MEAK7: variants seen among roughly 807,000 people sequenced by gnomAD.
MEAK7 encodes MTOR-associated protein MEAK7.
Under a neutral mutation model 40.5 loss-of-function variants are expected in MEAK7, and 68 were observed. The ratio of observed to expected loss-of-function variants is 1.68; its 90% CI spans 1.38 to 2.06. The LOEUF is 2.06. MEAK7 is among the 30% of genes most tolerant of loss of function. The pLI is 0.00. For missense variants in MEAK7, 918 were observed against 580.5 expected, an observed-to-expected ratio of 1.58 and a Z score of -5.98; for synonymous variants, 338 against 231.9, an observed-to-expected ratio of 1.46 and a Z score of -4.16.
At chr16:84,497,320 C>A in intron 2 of MEAK7, 1 of 971,348 alleles carries the variant, frequency 1.0e-6, no homozygotes, top group Non-Finnish European at 1.4e-6. Flanking sequence ...AAAACATGGG[C>A]AAATGGGCAG....
intron 1 of MEAK7, among the ~76,000 whole-genome samples, chr16:84,499,628 G>A (rs761957044): frequency 1.4e-4 from 22 of 152,238 alleles, no homozygotes; most frequent in Non-Finnish European, 2.4e-4. Context: ...CATCACCCTC[G>A]GAGAAAACCC....
chr16:84,481,308 C>G (rs1912521406), intron 6 of MEAK7, among the ~76,000 whole-genome samples: 1 of 152,212 alleles, frequency 6.6e-6, no homozygotes, highest in Non-Finnish European at 1.5e-5. Context: ...CCCTGGTAGG[C>G]CTGTAACACC....
At chr16:84,484,901 A>G (rs1475828405) in intron 5 of MEAK7, among the ~76,000 whole-genome samples, 1 of 152,206 alleles carries the variant, frequency 6.6e-6, no homozygotes, top group Non-Finnish European at 1.5e-5. Flanking sequence ...TTTTTCCCAC[A>G]TGCTTCAGCA....
chr16:84,503,808 C>T, intron 1 of MEAK7: 2 of 462,472 alleles, frequency 4.3e-6, no homozygotes, highest in Non-Finnish European at 5.7e-6. Context: ...CCAAGGTTCC[C>T]ACTAGTATCC....
intron 5 of MEAK7, among the ~76,000 whole-genome samples, chr16:84,483,511 G>T (rs1333719837): frequency 6.6e-6 from 1 of 152,228 alleles, no homozygotes; most frequent in African/African-American, 2.4e-5. Flanking sequence ...TGGGAATTTG[G>T]GGTTGGGCTA....
At chr16:84,489,236 C>T in intron 4 of MEAK7, 42 bp downstream of exon 4, 2 of 1,604,650 alleles carry the variant, frequency 1.2e-6, no homozygotes, top group Non-Finnish European at 1.7e-6. Flanking sequence ...AGGTACCGCT[C>T]TACAGCAAAA....
At chr16:84,490,653 G>GGGGTGTGTGTGTGTGTGTGT (rs571630201) in intron 3 of MEAK7, among the ~76,000 whole-genome samples, 1 of 104,498 alleles carries the variant, frequency 9.6e-6, no homozygotes, top group African/African-American at 4.1e-5. Flanking sequence ...AGCTAATCAA[G>GGGGTGTGTGTGTGTGTGTGT]ATGTGTGTGT....
intron 4 of MEAK7, chr16:84,487,745 G>A (rs939500332): frequency 6.6e-6 from 1 of 152,260 alleles, no homozygotes; most frequent in Non-Finnish European, 1.5e-5. Context: ...GTAAGAGCGT[G>A]GGAGCACACA....
At position 84,495,922 on chromosome 16, in the gene MEAK7, G is replaced by T. The variant is rs1914009584; in HGVS notation, c.154-9C>A. ...GCTTCCCCGACGTGGTTCTGCCGGGGACAAGCAGAAAAATATGGTTAGACA... is the reference window on the plus strand; with the variant it reads ...GCTTCCCCGACGTGGTTCTGCCGGGTACAAGCAGAAAAATATGGTTAGACA... On this transcript the variant is annotated splice_polypyrimidine_tract_variant and intron_variant, in intron 2 of 7. Transcript: ENST00000343629. 1.2e-6 allele frequency: 2 copies of T among 1,613,520 alleles called. No individual in the cohort carries two copies. Among genetic ancestry groups the T allele is most frequent in the African/African-American group, 1.3e-5 (1 of 74,972 alleles).
At chr16:84,482,135 C>G (rs893074290) in intron 6 of MEAK7, among the ~76,000 whole-genome samples, 6 of 152,266 alleles carry the variant, frequency 3.9e-5, no homozygotes, top group African/African-American at 1.4e-4. Context: ...GCCATGTCAC[C>G]AAGCTGAAGC....
intron 5 of MEAK7, among the ~76,000 whole-genome samples, chr16:84,484,786 G>A (rs1463949298): frequency 1.3e-5 from 2 of 152,150 alleles, no homozygotes; most frequent in Non-Finnish European, 2.9e-5. Context: ...CACAGTCCAC[G>A]GATTTGTACC....
At chr16:84,503,689 G>A (rs1914674299) in intron 1 of MEAK7, among the ~76,000 whole-genome samples, 1 of 152,084 alleles carries the variant, frequency 6.6e-6, no homozygotes, top group South Asian at 2.1e-4. Context: ...ATGGCTCCTT[G>A]GGATCTTGTC....
At chr16:84,493,662 CTATT>C (rs1913811810) in intron 3 of MEAK7, among the ~76,000 whole-genome samples, 1 of 152,148 alleles carries the variant, frequency 6.6e-6, no homozygotes, top group African/African-American at 2.4e-5. Flanking sequence ...AATTTGGAAA[CTATT>C]TGTGAGTATT....
In MEAK7 at chr16:84,497,932, G is replaced by A. The variant is rs1342464798; in HGVS notation, c.153+2C>T. On this transcript the variant is annotated splice_donor_variant, in intron 2 of 7. Coordinates refer to ENST00000343629, the MANE Select transcript of MEAK7 (RefSeq NM_020947.4). LOFTEE classifies it low-confidence loss of function (GC_TO_GT_DONOR). ...ACATGAACCACGGGTTGTTACTCTT[G>A]CCTGTAGTGCCTTCAGAGAGAAGGA... The A allele has an allele frequency of 2.5e-6, 4 of 1,614,038 alleles. No homozygotes were observed. Among genetic ancestry groups the A allele is most frequent in the African/African-American group, 2.7e-5 (2 of 74,922 alleles).
At chr16:84,498,636 G>A (rs367652980) in intron 1 of MEAK7, among the ~76,000 whole-genome samples, 2 of 151,950 alleles carry the variant, frequency 1.3e-5, no homozygotes, top group East Asian at 1.9e-4. Flanking sequence ...AAAGCCCATC[G>A]TGACGCCCAT....
At position 84,476,754 on chromosome 16, in the gene MEAK7, G is replaced by A. The variant is rs2150616505; in HGVS notation, c.*3159C>T. 6.6e-6 allele frequency: 1 copy of A among 152,354 alleles called. No homozygotes were observed. The highest frequency in any genetic ancestry group is 3.4e-3 in the Middle Eastern group (1 of 294). 9.4% of individuals were successfully genotyped at this position (152,354 alleles called of 1,614,324 possible). A position where few individuals can be genotyped will look rare whatever the true frequency, so the allele number is the denominator to read the frequency against. On this transcript the variant is annotated 3_prime_UTR_variant, in exon 8 of 8. Coordinates refer to ENST00000343629, the MANE Select transcript of MEAK7 (RefSeq NM_020947.4). ...GTGTAAAAGACAGTGATGCCCAGGT[G>A]TGCACCAAGTCACAGGGAGGAGACC...
intron 3 of MEAK7, among the ~76,000 whole-genome samples, chr16:84,491,538 TA>T (rs57708607): frequency 0.043 from 5,307 of 122,764 alleles, 384 homozygotes; most frequent in African/African-American, 0.15. Flanking sequence ...GACCCTGTCT[TA>T]AAAAAAAAAA....
rs1442427061 is a variant in MEAK7, at chr16:84,497,987, C to G, written c.100G>C (p.Asp34His). 14 of 1,614,076 alleles carry G rather than the reference C, an allele frequency of 8.7e-6. No individual in the cohort carries two copies. The highest frequency in any genetic ancestry group is 4.5e-5 in the East Asian group (2 of 44,896). The change falls in exon 2 of 8, where the codon GAT (aspartate) becomes CAT (histidine). Residue 34 changes from aspartate to histidine, a missense_variant. Coordinates refer to ENST00000343629, the MANE Select transcript of MEAK7 (RefSeq NM_020947.4). ...IDQLFDALSS[D>H]KNSPNVSSKS... ...GATGAGACATTCGGGCTGTTTTTATCTGATGACAGAGCATCAAACAATTGA... is the reference window on the plus strand; with the variant it reads ...GATGAGACATTCGGGCTGTTTTTATGTGATGACAGAGCATCAAACAATTGA...
chr16:84,487,009 C>G lies in MEAK7; in HGVS notation c.580G>C (p.Ala194Pro). Residue 194 changes from alanine to proline, a missense_variant, in exon 5 of 8, where the codon GCT becomes CCT. Transcript: ENST00000343629. ...CTGAACACCCAGTCCTCGATCACAGCTCGGTCACAGTCATAGTCCAGCCAC... is the reference window on the plus strand; with the variant it reads ...CTGAACACCCAGTCCTCGATCACAGGTCGGTCACAGTCATAGTCCAGCCAC... ...PQWLDYDCDR[A>P]VIEDWVFRVP... 1 of 1,614,050 alleles carries G rather than the reference C, an allele frequency of 6.2e-7. No individual in the cohort carries two copies. Among genetic ancestry groups the G allele is most frequent in the East Asian group, 2.2e-5 (1 of 44,870 alleles).
Sources: allele counts gnomAD v4.1 joint callset (sites outside exome capture counted in the v4.1 genomes callset), GRCh38; gene constraint gnomAD v4.1.1; transcripts MANE v1.5; gene names NCBI Gene and HGNC (gene_info 2026-07-23, HGNC 2026-07-21).